PLET1: variants seen among roughly 807,000 people sequenced by gnomAD.
PLET1 encodes the protein placenta-expressed transcript 1 protein.
Under a neutral mutation model 18.5 loss-of-function variants are expected in PLET1, and 20 were observed. That is an observed-to-expected ratio of 1.08 (90% CI 0.76 to 1.57). The LOEUF (loss-of-function observed/expected upper bound fraction) is 1.57. PLET1 is among the 40% of genes most tolerant of loss of function. The pLI, the probability that PLET1 is intolerant of heterozygous loss-of-function variation, is 0.00. For synonymous variants in PLET1, 93 were observed against 93.8 expected, an observed-to-expected ratio of 0.99 and a Z score of 0.05; for missense variants, 256 against 246.4, an observed-to-expected ratio of 1.04 and a Z score of -0.26.
In PLET1 at chr11:112,260,832, G is replaced by C; in HGVS notation, c.-243C>G. The C allele has an allele frequency of 2.0e-6, 1 of 497,154 alleles. No homozygotes were observed. The highest frequency in any genetic ancestry group is 3.6e-6 in the Non-Finnish European group (1 of 281,028). The allele number at this position is 497,154 out of a possible 1,614,324, so 30.8% of individuals were successfully genotyped here. A position where few individuals can be genotyped will look rare whatever the true frequency, so the allele number is the denominator to read the frequency against. Reference sequence around the variant, plus strand: ...TTTTGCTCAAGAAAGGGAATGTCCTGAATATGGTTTTCTTTTACGCCTGTC... The same window carrying C: ...TTTTGCTCAAGAAAGGGAATGTCCTCAATATGGTTTTCTTTTACGCCTGTC... On this transcript the variant is annotated 5_prime_UTR_variant, in exon 1 of 4. Coordinates refer to ENST00000338832, the MANE Select transcript of PLET1 (RefSeq NM_001145024.1).
intron 1 of PLET1, among the ~76,000 whole-genome samples, chr11:112,259,025 C>T (rs1045131597): frequency 6.6e-6 from 1 of 152,202 alleles, no homozygotes; most frequent in Admixed American, 6.5e-5. Context: ...TGAAGCTGGA[C>T]AGCTGGCTGG....
At chr11:112,256,510 C>T (rs1300799439) in intron 1 of PLET1, among the ~76,000 whole-genome samples, 1 of 152,176 alleles carries the variant, frequency 6.6e-6, no homozygotes, top group African/African-American at 2.4e-5. Flanking sequence ...ATAAATATTT[C>T]TTGCATGCCC....
intron 1 of PLET1, among the ~76,000 whole-genome samples, chr11:112,256,103 C>T (rs930633115): frequency 1.3e-5 from 2 of 152,216 alleles, no homozygotes; most frequent in Admixed American, 1.3e-4. Context: ...TGCTGATTCT[C>T]TTGGTCTCTG....
intron 2 of PLET1, among the ~76,000 whole-genome samples, chr11:112,254,836 T>C: frequency 8.3e-6 from 1 of 120,426 alleles, no homozygotes; most frequent in Admixed American, 8.8e-5. Flanking sequence ...GGGGTGTATG[T>C]GTTGTGTGTG....
chr11:112,259,957 G>T (rs1860269297), intron 1 of PLET1, among the ~76,000 whole-genome samples: 1 of 152,172 alleles, frequency 6.6e-6, no homozygotes, highest in Non-Finnish European at 1.5e-5. Context: ...AGAATTGCTT[G>T]AACCCAGGAG....
intron 3 of PLET1, among the ~76,000 whole-genome samples, chr11:112,250,309 G>A (rs1860142365): frequency 8.5e-6 from 1 of 117,066 alleles, no homozygotes; most frequent in Non-Finnish European, 1.6e-5. Context: ...CCATTTAAAA[G>A]TCAACTACAT....
At chr11:112,250,452 C>T (rs1022178622) in intron 3 of PLET1, among the ~76,000 whole-genome samples, 3 of 151,942 alleles carry the variant, frequency 2.0e-5, no homozygotes, top group Admixed American at 2.0e-4. Flanking sequence ...GTCCCAATAC[C>T]CTTGACAATA....
At chr11:112,259,563 A>G (rs1860264018) in intron 1 of PLET1, among the ~76,000 whole-genome samples, 1 of 152,214 alleles carries the variant, frequency 6.6e-6, no homozygotes, top group Non-Finnish European at 1.5e-5. Context: ...CAGTTCTATG[A>G]CTTACTAGAA....
intron 3 of PLET1, 131 bp from the exon 4 acceptor site, chr11:112,249,105 A>G: frequency 1.2e-6 from 1 of 834,420 alleles, no homozygotes; most frequent in Non-Finnish European, 1.9e-6. Context: ...AGCAAAATTC[A>G]ATCAACCCTT....
At chr11:112,258,284 T>TC (rs1860246640) in intron 1 of PLET1, among the ~76,000 whole-genome samples, 1 of 138,530 alleles carries the variant, frequency 7.2e-6, no homozygotes, top group Non-Finnish European at 1.6e-5. Flanking sequence ...TTTCTTTCTT[T>TC]TTTTTTTTTT....
Position 112,248,544 on chromosome 11 carries a change from C to T in PLET1, c.*255G>A. On this transcript the variant is annotated 3_prime_UTR_variant, in exon 4 of 4. Transcript: ENST00000338832. ...CAACCAATAGGGAGAACCTAGGTGA[C>T]TAAGTTCCGGCCAGTTCTAAATATT... is the stretch of plus-strand genomic sequence containing the variant. 1 of 461,336 alleles carries T rather than the reference C, an allele frequency of 2.2e-6. No homozygotes were observed. The allele number at this position is 461,336 out of a possible 1,614,324, so 28.6% of individuals were successfully genotyped here. A position where few individuals can be genotyped will look rare whatever the true frequency, so the allele number is the denominator to read the frequency against.
intron 2 of PLET1, among the ~76,000 whole-genome samples, chr11:112,253,996 C>T (rs79268516): frequency 0.036 from 5,542 of 152,276 alleles, 256 homozygotes; most frequent in African/African-American, 0.11. Flanking sequence ...TCCAGGTGAC[C>T]TTACCTCAGA....
intron 1 of PLET1, 52 bp downstream of exon 1, chr11:112,260,354 G>C: frequency 2.0e-6 from 3 of 1,480,434 alleles, no homozygotes; most frequent in Non-Finnish European, 2.7e-6. Context: ...TGAAATTCTG[G>C]TTAATTTCCC....
At chr11:112,254,181 A>C (rs1486897438) in intron 2 of PLET1, among the ~76,000 whole-genome samples, 1 of 139,228 alleles carries the variant, frequency 7.2e-6, no homozygotes, top group Non-Finnish European at 1.5e-5. Flanking sequence ...GAGGATGTTG[A>C]GCATAAGTGG....
At chr11:112,250,562 G>A (rs1182026685) in intron 3 of PLET1, among the ~76,000 whole-genome samples, 2 of 152,146 alleles carry the variant, frequency 1.3e-5, no homozygotes, top group Non-Finnish European at 2.9e-5. Flanking sequence ...ATTTTGTCAT[G>A]CTGTCAGCCC....
intron 3 of PLET1, among the ~76,000 whole-genome samples, chr11:112,251,399 C>T (rs1257412727): frequency 1.3e-5 from 2 of 151,994 alleles, no homozygotes; most frequent in African/African-American, 4.8e-5. Context: ...GCCTGGCCAA[C>T]ATGGTGAAAC....
intron 2 of PLET1, among the ~76,000 whole-genome samples, chr11:112,254,384 GGTGT>G (rs1032899570): frequency 6.8e-6 from 1 of 146,736 alleles, no homozygotes; most frequent in African/African-American, 2.5e-5. Context: ...GTATGTGTGG[GGTGT>G]GTGTGTGGTA....
At chr11:112,252,146 G>A (rs180730771) in intron 3 of PLET1, among the ~76,000 whole-genome samples, 87 of 152,284 alleles carry the variant, frequency 5.7e-4, no homozygotes, top group African/African-American at 2.0e-3. Flanking sequence ...AAATCTTGGG[G>A]GAGGGCTTTT....
At chr11:112,250,220 C>CATTT (rs1733095677) in intron 3 of PLET1, among the ~76,000 whole-genome samples, 2 of 49,860 alleles carry the variant, frequency 4.0e-5, no homozygotes, top group Non-Finnish European at 6.8e-5. Context: ...AGAAACAAAC[C>CATTT]TTTTTTTTTT....
Sources: gnomAD v4.1 joint callset for allele counts (sites outside exome capture counted in the v4.1 genomes callset) on GRCh38, gnomAD v4.1.1 for gene constraint, MANE v1.5 for transcripts, NCBI Gene and HGNC (gene_info 2026-07-23, HGNC 2026-07-21) for gene names.